The following HORMAD2 variants were observed in gnomAD, a reference collection of about 807,000 sequenced individuals.
HORMAD2 encodes HORMA domain-containing protein 2.
HORMAD2 carries 45 observed loss-of-function variants against 38.8 expected under a neutral mutation model. The observed-to-expected ratio is 1.16, with a 90% CI of 0.91 to 1.49. The LOEUF (loss-of-function observed/expected upper bound fraction) is 1.49. Among genes scored for constraint, HORMAD2 ranks in the 40% most tolerant of loss-of-function variants. The probability of loss-of-function intolerance (pLI) is 0.00; values close to 1 mark genes in which losing one functional copy is unlikely to be tolerated. For missense variants in HORMAD2, 338 were observed against 367.0 expected, an observed-to-expected ratio of 0.92 and a Z score of 0.65; for synonymous variants, 126 against 122.8, an observed-to-expected ratio of 1.03 and a Z score of -0.17.
At chr22:30,118,184 A>G (rs1457266451) in intron 7 of HORMAD2, among the ~76,000 whole-genome samples, 2 of 152,056 alleles carry the variant, frequency 1.3e-5, no homozygotes, top group African/African-American at 4.8e-5. Context: ...ACCCCTTACC[A>G]TAGCCAACAA....
rs189455592 is a variant in HORMAD2 at position 30,160,697 on chromosome 22, G to A, written c.820-15366G>A. Among the ~76,000 whole-genome samples, 446 of 152,138 alleles carry A rather than the reference G, an allele frequency of 2.9e-3. 11 individuals carry two copies. The highest frequency in any genetic ancestry group is 0.026 in the Admixed American group (395 of 15,292). On this transcript the variant is annotated intron_variant, in intron 10 of 10. Transcript: ENST00000336726. ...ATATTATGTAAATGTATTAGCTATT[G>A]AAATAGATACATAAAACTAACAAAA...
intron 10 of HORMAD2, among the ~76,000 whole-genome samples, chr22:30,134,610 T>C (rs1263346909): frequency 5.9e-5 from 9 of 151,580 alleles, no homozygotes; most frequent in Non-Finnish European, 1.2e-4. Flanking sequence ...ATATAAATGC[T>C]AAAAGAATTA....
chr22:30,178,432 C>G (rs775078610), downstream of HORMAD2, among the ~76,000 whole-genome samples: 12 of 152,192 alleles, frequency 7.9e-5, no homozygotes, highest in Non-Finnish European at 1.8e-4. Flanking sequence ...GCTGGGCACA[C>G]ACGGAAGGAG....
At chr22:30,157,149 A>G (rs1320181133) in intron 10 of HORMAD2, among the ~76,000 whole-genome samples, 1 of 152,166 alleles carries the variant, frequency 6.6e-6, no homozygotes, top group Non-Finnish European at 1.5e-5. Context: ...GGAGACCATG[A>G]AAGGGAAAAC....
intron 2 of HORMAD2, among the ~76,000 whole-genome samples, chr22:30,094,705 T>A (rs1050030204): frequency 6.6e-6 from 1 of 152,184 alleles, no homozygotes; most frequent in African/African-American, 2.4e-5. Flanking sequence ...GGTTTGTATA[T>A]TCCTCATGAA....
In HORMAD2 at chr22:30,149,326, C is replaced by T. The variant is rs1924609790; in HGVS notation, c.820-26737C>T. 3.3e-5 allele frequency among the ~76,000 whole-genome samples: 5 copies of T among 152,120 alleles called. No homozygotes were observed. The South Asian group carries it at 1.0e-3, about 32-fold the overall frequency. On this transcript the variant is annotated intron_variant, in intron 10 of 10. Coordinates refer to ENST00000336726, the MANE Select transcript of HORMAD2 (RefSeq NM_152510.4). Reference sequence around the variant, plus strand: ...ATGGTAGCCACTAACCACATGGCTACTAGAATTTAAATTTAAATTAATTTT... The same window carrying T: ...ATGGTAGCCACTAACCACATGGCTATTAGAATTTAAATTTAAATTAATTTT...
chr22:30,159,737 T>C (rs1490358649), intron 10 of HORMAD2, among the ~76,000 whole-genome samples: 1 of 152,202 alleles, frequency 6.6e-6, no homozygotes, highest in Non-Finnish European at 1.5e-5. Flanking sequence ...GTAAAGCTTT[T>C]GAAAATGCTC....
chr22:30,095,015 G>A (rs2068757189), intron 2 of HORMAD2, among the ~76,000 whole-genome samples: 1 of 151,936 alleles, frequency 6.6e-6, no homozygotes, highest in Non-Finnish European at 1.5e-5. Flanking sequence ...TGTTTATTAG[G>A]CCCTAGAAAC....
At chr22:30,207,085 C>G in the HORMAD2 span, 1 of 470,718 alleles carries the variant, frequency 2.1e-6, no homozygotes, top group Admixed American at 2.4e-5. Flanking sequence ...GACATCCCAG[C>G]TCAGCGGCTG....
the HORMAD2 span, among the ~76,000 whole-genome samples, chr22:30,197,732 AATCTTTTTT>A: frequency 5.3e-5 from 8 of 152,200 alleles, no homozygotes; most frequent in African/African-American, 9.7e-5. Context: ...GTATATCCAG[AATCTTTTTT>A]CCTACACATC....
chr22:30,122,046 C>T lies in HORMAD2; in HGVS notation c.651C>T (p.Asn217=), dbSNP rs377080525. Residue 217 remains asparagine (N), a synonymous_variant, in exon 10 of 11, where the codon AAC becomes AAT. Coordinates refer to ENST00000336726, the MANE Select transcript of HORMAD2 (RefSeq NM_152510.4). ...HFLLFDKEPI[N]VQVGFVSTGF... ...TGCTGTTTGACAAGGAGCCTATCAACGTGCAAGTGGGATTTGTCTCCACTG... is the reference window on the plus strand; with the variant it reads ...TGCTGTTTGACAAGGAGCCTATCAATGTGCAAGTGGGATTTGTCTCCACTG... The T allele has an allele frequency of 1.5e-5, 24 of 1,613,396 alleles. No individual in the cohort carries two copies. Among genetic ancestry groups the T allele is most frequent in the Admixed American group, 8.3e-5 (5 of 59,892 alleles).
In HORMAD2 at chr22:30,091,437, C is replaced by T. The variant is rs539162152; in HGVS notation, c.-37-2479C>T. Among the ~76,000 whole-genome samples the T allele has an allele frequency of 4.7e-3, 705 of 151,446 alleles. 6 individuals carry two copies. The highest frequency in any genetic ancestry group is 0.016 in the African/African-American group (660 of 41,278). ...CGTGCCACCACACCCAGCTAATTTT[C>T]GTATTTTTTGTACAGATAGGGTTTC... On this transcript the variant is annotated intron_variant, in intron 1 of 10. Coordinates refer to ENST00000336726, the MANE Select transcript of HORMAD2 (RefSeq NM_152510.4).
the HORMAD2 span, among the ~76,000 whole-genome samples, chr22:30,200,853 G>A: frequency 6.6e-6 from 1 of 151,798 alleles, no homozygotes; most frequent in Admixed American, 6.6e-5. Context: ...GGGTTCAAGC[G>A]ATTCTCCTGC....
chr22:30,091,599 A>C (rs558359057), intron 1 of HORMAD2, among the ~76,000 whole-genome samples: 2 of 152,032 alleles, frequency 1.3e-5, no homozygotes. Flanking sequence ...GTTGATGGAC[A>C]CTTAGGTTGA....
At chr22:30,158,139 A>C (rs1925199388) in intron 10 of HORMAD2, among the ~76,000 whole-genome samples, 1 of 152,176 alleles carries the variant, frequency 6.6e-6, no homozygotes, top group South Asian at 2.1e-4. Context: ...ATAAAAATAA[A>C]AATAAAAGAG....
chr22:30,192,707 A>G, the HORMAD2 span, among the ~76,000 whole-genome samples: 4 of 151,934 alleles, frequency 2.6e-5, no homozygotes, highest in African/African-American at 9.7e-5. Flanking sequence ...GTAAAGTTTT[A>G]TTGTTCTGTG....
At chr22:30,104,460 A>C in intron 5 of HORMAD2, 23 bp downstream of exon 5, 1 of 1,575,648 alleles carries the variant, frequency 6.3e-7, no homozygotes, top group Non-Finnish European at 8.7e-7. Context: ...TTACACTTAC[A>C]CTGGAATCAA....
Position 30,094,443 on chromosome 22 carries a change from G to C in HORMAD2, c.51+440G>C, listed in dbSNP as rs530957373. Among the ~76,000 whole-genome samples the C allele has an allele frequency of 7.2e-5, 11 of 152,238 alleles. No individual in the cohort carries two copies. The South Asian group carries it at 2.3e-3, about 32-fold the overall frequency. On this transcript the variant is annotated intron_variant, in intron 2 of 10. Transcript: ENST00000336726. Reference sequence around the variant, plus strand: ...ATCCCAGGGCCAGGCATATAGTTTAGTTTGTCTCATGACATTCATTAATGC... The same window carrying C: ...ATCCCAGGGCCAGGCATATAGTTTACTTTGTCTCATGACATTCATTAATGC...
At chr22:30,128,943 G>A (rs540334282) in intron 10 of HORMAD2, among the ~76,000 whole-genome samples, 140 of 152,216 alleles carry the variant, frequency 9.2e-4, no homozygotes, top group African/African-American at 2.8e-3. Context: ...GGCCGGGCGC[G>A]GTGGCTCACG....
Sources: gnomAD v4.1 joint callset for allele counts (sites outside exome capture counted in the v4.1 genomes callset) on GRCh38, gnomAD v4.1.1 for gene constraint, MANE v1.5 for transcripts, NCBI Gene and HGNC (gene_info 2026-07-23, HGNC 2026-07-21) for gene names.